Variants in ASIC2 observed in about 807,000 individuals in gnomAD.
ASIC2 encodes the protein acid sensing ion channel subunit 2.
Under a neutral mutation model 57.3 loss-of-function variants are expected in ASIC2, and 25 were observed. That is an observed-to-expected ratio of 0.44 (90% confidence interval 0.32 to 0.61). The LOEUF (loss-of-function observed/expected upper bound fraction) is 0.61, where lower values mean the gene tolerates loss of function less well. Ranked by LOEUF, ASIC2 falls within the 20% of genes least tolerant of loss-of-function variation. The pLI is 0.06. For missense variants in ASIC2, 641 were observed against 738.1 expected, an observed-to-expected ratio of 0.87 and a Z score of 1.52; for synonymous variants, 319 against 307.5, an observed-to-expected ratio of 1.04 and a Z score of -0.39.
intron 1 of ASIC2, among the ~76,000 whole-genome samples, chr17:33,263,442 A>T (rs1470144888): frequency 6.6e-6 from 1 of 152,230 alleles, no homozygotes; most frequent in Non-Finnish European, 1.5e-5. Flanking sequence ...CTCAATGTGA[A>T]ATTGACAAAA....
chr17:33,916,230 C>G (rs1289814511), intron 1 of ASIC2, among the ~76,000 whole-genome samples: 1 of 152,150 alleles, frequency 6.6e-6, no homozygotes, highest in Non-Finnish European at 1.5e-5. Context: ...GTGATCTGTG[C>G]AGGGATGGGC....
intron 1 of ASIC2, among the ~76,000 whole-genome samples, chr17:33,519,391 C>T (rs572432664): frequency 3.9e-5 from 6 of 152,268 alleles, no homozygotes; most frequent in South Asian, 4.2e-4. Context: ...CAGTTGGCCT[C>T]GGGCTTGTGG....
intron 1 of ASIC2, among the ~76,000 whole-genome samples, chr17:33,799,370 C>CTTCCTTTCTTTCTTTCTTTCT (rs1912019190): frequency 9.1e-6 from 1 of 109,878 alleles, no homozygotes; most frequent in Admixed American, 9.2e-5. Context: ...TTCTTTCTTT[C>CTTCCTTTCTTTCTTTCTTTCT]TTTCTTCCTT....
At chr17:33,248,006 G>T (rs1266856137) in intron 1 of ASIC2, among the ~76,000 whole-genome samples, 1 of 152,198 alleles carries the variant, frequency 6.6e-6, no homozygotes, top group African/African-American at 2.4e-5. Context: ...ATGTTCGAAG[G>T]TGATAGAAGA....
At chr17:33,839,928 C>G (rs1178160699) in intron 1 of ASIC2, among the ~76,000 whole-genome samples, 1 of 152,196 alleles carries the variant, frequency 6.6e-6, no homozygotes, top group East Asian at 1.9e-4. Context: ...TTCTGAGCTT[C>G]TAGGTTCTGG....
chr17:33,961,766 G>A (rs932007464), intron 1 of ASIC2, among the ~76,000 whole-genome samples: 4 of 152,062 alleles, frequency 2.6e-5, no homozygotes. Flanking sequence ...ACCAAAGGGA[G>A]TCAGGTAGCC....
At chr17:33,610,054 G>GCACACACACACACACACACACACA (rs57533251) in intron 1 of ASIC2, among the ~76,000 whole-genome samples, 2 of 144,846 alleles carry the variant, frequency 1.4e-5, no homozygotes, top group Non-Finnish European at 3.0e-5. Context: ...GGACAGAGGC[G>GCACACACACACACACACACACACA]CACACACACA....
chr17:33,809,030 G>A (rs1912345678), intron 1 of ASIC2, among the ~76,000 whole-genome samples: 1 of 152,208 alleles, frequency 6.6e-6, no homozygotes, highest in Non-Finnish European at 1.5e-5. Context: ...TGTCCAGTGA[G>A]GTGAAAAGTT....
chr17:34,015,402 TGA>T (rs1906915057), intron 1 of ASIC2, among the ~76,000 whole-genome samples: 1 of 152,230 alleles, frequency 6.6e-6, no homozygotes, highest in Admixed American at 6.5e-5. Flanking sequence ...CTCCCACAGC[TGA>T]GAGCCTACCA....
intron 1 of ASIC2, among the ~76,000 whole-genome samples, chr17:34,151,342 G>C (rs893930864): frequency 5.3e-5 from 8 of 152,312 alleles, no homozygotes; most frequent in Admixed American, 2.0e-4. Context: ...AATGGGCTGG[G>C]AGTTCTACAA....
At chr17:33,851,910 A>G (rs1913775968) in intron 1 of ASIC2, among the ~76,000 whole-genome samples, 1 of 152,248 alleles carries the variant, frequency 6.6e-6, no homozygotes, top group Non-Finnish European at 1.5e-5. Context: ...AAAGAACCAA[A>G]CAAATGAGAA....
intron 1 of ASIC2, among the ~76,000 whole-genome samples, chr17:34,124,986 C>A (rs972092075): frequency 1.3e-5 from 2 of 149,678 alleles, no homozygotes; most frequent in African/African-American, 5.1e-5. Flanking sequence ...TCCTGTTCAC[C>A]CACACATCAG....
chr17:34,117,936 G>GA (rs1167552910), intron 1 of ASIC2, among the ~76,000 whole-genome samples: 1 of 152,198 alleles, frequency 6.6e-6, no homozygotes, highest in East Asian at 1.9e-4. Flanking sequence ...TCCTCAGAAT[G>GA]AAAATCAGCT....
At chr17:34,017,316 G>T (rs1156418270) in intron 1 of ASIC2, among the ~76,000 whole-genome samples, 1 of 152,100 alleles carries the variant, frequency 6.6e-6, no homozygotes, top group Non-Finnish European at 1.5e-5. Flanking sequence ...ATCAATAAAT[G>T]GTGTATGTGT....
At chr17:33,569,603 T>TCATCCATC (rs749669861) in intron 1 of ASIC2, 2 of 152,106 alleles carry the variant, frequency 1.3e-5, no homozygotes, top group Non-Finnish European at 2.9e-5. Flanking sequence ...GTGCACTTAT[T>TCATCCATC]CATCCATCCA....
chr17:33,369,485 C>T (rs191673716), intron 1 of ASIC2, among the ~76,000 whole-genome samples: 1 of 152,282 alleles, frequency 6.6e-6, no homozygotes, highest in East Asian at 1.9e-4. Flanking sequence ...TAATTCCAGC[C>T]TGCCTTGCCT....
Position 33,724,758 on chromosome 17 carries a change from A to C in ASIC2, c.555+431220T>G, listed in dbSNP as rs1196904361. On this transcript the variant is annotated intron_variant, in intron 1 of 9. Transcript: ENST00000359872. ...TTTGATGCCCATTAAACACCCAATG[A>C]AATGTTCAAGAGGTGGTTGACTAAT... 2.0e-5 allele frequency among the ~76,000 whole-genome samples: 3 copies of C among 152,170 alleles called. No homozygotes were observed. In the East Asian group the frequency reaches 5.8e-4, roughly 29 times the overall value.
Position 33,940,955 on chromosome 17 carries a change from C to CA in ASIC2, c.555+215022dup, listed in dbSNP as rs146235510. Among the ~76,000 whole-genome samples the CA allele has an allele frequency of 2.4e-3, 362 of 152,372 alleles. 1 individual carries two copies. Among genetic ancestry groups the CA allele is most frequent in the Non-Finnish European group, 4.0e-3 (271 of 68,034 alleles). Reference sequence around the variant, plus strand: ...TGGGCCTGAGGCCAAGCACAGCCTCCAGGGCCAGGCTGAGGTGTTTAGATT... The same window carrying CA: ...TGGGCCTGAGGCCAAGCACAGCCTCCAAGGGCCAGGCTGAGGTGTTTAGATT... On this transcript the variant is annotated intron_variant, in intron 1 of 9. Coordinates refer to the ASIC2 transcript ENST00000359872.
intron 1 of ASIC2, among the ~76,000 whole-genome samples, chr17:34,131,164 C>A (rs1036562697): frequency 3.3e-5 from 5 of 151,848 alleles, no homozygotes; most frequent in Non-Finnish European, 7.4e-5. Context: ...GGCTTTGCAC[C>A]ATGAAGAATT....
Sources: gnomAD v4.1 joint callset for allele counts (sites outside exome capture counted in the v4.1 genomes callset) on GRCh38, gnomAD v4.1.1 for gene constraint, MANE v1.5 for transcripts, NCBI Gene and HGNC (gene_info 2026-07-23, HGNC 2026-07-21) for gene names.